Variants in CRADD observed in about 807,000 individuals in gnomAD.
CRADD encodes death domain-containing protein CRADD.
In CRADD, 9 loss-of-function variants were observed where a neutral mutation model predicts 15.5. The ratio of observed to expected loss-of-function variants is 0.58; its 90% confidence interval spans 0.35 to 1.01. CRADD has a LOEUF of 1.01. Ranked by LOEUF, CRADD falls within the 50% of genes least tolerant of loss-of-function variation. The pLI is 0.02. For synonymous variants in CRADD, 118 were observed against 107.6 expected, an observed-to-expected ratio of 1.10 and a Z score of -0.60; for missense variants, 227 against 250.3, an observed-to-expected ratio of 0.91 and a Z score of 0.63.
intron 2 of CRADD, among the ~76,000 whole-genome samples, chr12:93,889,876 C>T (rs397135): frequency 0.46 from 69,840 of 151,970 alleles, 18,111 homozygotes; most frequent in African/African-American, 0.7. Flanking sequence ...TTGGTTTTGT[C>T]TCAGAGCAGT....
intron 2 of CRADD, among the ~76,000 whole-genome samples, chr12:93,686,904 G>A (rs190116427): frequency 0.01 from 1,575 of 150,040 alleles, 17 homozygotes; most frequent in Non-Finnish European, 0.014. Context: ...TTTAAAAATT[G>A]TACTAATGCA....
At chr12:93,723,813 T>A (rs1011262573) in intron 2 of CRADD, among the ~76,000 whole-genome samples, 1 of 152,210 alleles carries the variant, frequency 6.6e-6, no homozygotes, top group Non-Finnish European at 1.5e-5. Flanking sequence ...TCTCAGGTTT[T>A]ATTTCCTCTT....
rs58068881 is a variant in CRADD, at chr12:93,780,912, ATTTTTT to A, written c.299-69048_299-69043del. ...CAGGCACATGCCACCATGCCCAGCT[ATTTTTT>A]TTTTTTTTTGTATTTTTAGTAGAGA... is the stretch of plus-strand genomic sequence containing the variant. On this transcript the variant is annotated intron_variant, in intron 2 of 2. Coordinates refer to ENST00000332896, the MANE Select transcript of CRADD (RefSeq NM_003805.5). Among the ~76,000 whole-genome samples the A allele has an allele frequency of 3.4e-3, 475 of 139,336 alleles. 5 individuals are homozygous for A. The highest frequency in any genetic ancestry group is 0.011 in the African/African-American group (410 of 37,602). 91.4% of individuals were successfully genotyped at this position (139,336 alleles called of 152,430 possible). A position where few individuals can be genotyped will look rare whatever the true frequency, so the allele number is the denominator to read the frequency against.
chr12:93,788,302 G>A lies in CRADD; in HGVS notation c.299-61668G>A, dbSNP rs141625974. Among the ~76,000 whole-genome samples, 339 of 152,278 alleles carry A rather than the reference G, an allele frequency of 2.2e-3. 4 individuals are homozygous for A. Among genetic ancestry groups the A allele is most frequent in the African/African-American group, 7.0e-3 (292 of 41,570 alleles). On this transcript the variant is annotated intron_variant, in intron 2 of 2. Coordinates refer to ENST00000332896, the MANE Select transcript of CRADD (RefSeq NM_003805.5). ...ACCTCTTATAAAACCATCAGATCTC[G>A]TGAGAACTCACTCACTATTACGAGA... is the stretch of plus-strand genomic sequence containing the variant.
At chr12:93,865,645 A>G (rs752880060) in intron 2 of CRADD, among the ~76,000 whole-genome samples, 4 of 152,222 alleles carry the variant, frequency 2.6e-5, no homozygotes, top group East Asian at 1.9e-4. Flanking sequence ...AACTCAAGCA[A>G]TCCTCCCATC....
At chr12:93,785,538 C>T (rs181839927) in intron 2 of CRADD, among the ~76,000 whole-genome samples, 1 of 152,144 alleles carries the variant, frequency 6.6e-6, no homozygotes, top group East Asian at 1.9e-4. Context: ...CTACTGCTGG[C>T]AGCTCCTGGC....
At chr12:93,691,085 CTTTATTA>C (rs535242082) in intron 2 of CRADD, among the ~76,000 whole-genome samples, 1 of 152,200 alleles carries the variant, frequency 6.6e-6, no homozygotes, top group Admixed American at 6.5e-5. Flanking sequence ...CTTTCAATCT[CTTTATTA>C]TTAATTAGTT....
intron 2 of CRADD, among the ~76,000 whole-genome samples, chr12:93,711,756 C>CTT (rs34557631): frequency 7.0e-6 from 1 of 142,072 alleles, no homozygotes; most frequent in African/African-American, 2.6e-5. Flanking sequence ...CTCCTAGACT[C>CTT]TTTTTTTTTT....
intron 2 of CRADD, chr12:93,707,832 G>C (rs1955983762): frequency 6.6e-6 from 1 of 152,166 alleles, no homozygotes; most frequent in South Asian, 2.1e-4. Flanking sequence ...CTGAGGTTCA[G>C]GTGGCTTAAA....
intron 2 of CRADD, among the ~76,000 whole-genome samples, chr12:93,769,687 C>T (rs11107176): frequency 6.6e-6 from 1 of 151,972 alleles, no homozygotes; most frequent in Non-Finnish European, 1.5e-5. Flanking sequence ...TTTATCCAAA[C>T]TGGTAGGCTT....
chr12:93,751,444 C>T (rs1345117933), intron 2 of CRADD, among the ~76,000 whole-genome samples: 1 of 152,194 alleles, frequency 6.6e-6, no homozygotes, highest in Admixed American at 6.5e-5. Flanking sequence ...GTATTTTGAA[C>T]AGATGACACA....
intron 2 of CRADD, among the ~76,000 whole-genome samples, chr12:93,862,410 G>A (rs919500132): frequency 4.6e-5 from 7 of 152,144 alleles, no homozygotes; most frequent in Admixed American, 1.3e-4. Context: ...AAGAAAGTTC[G>A]CTGTAGGGAA....
At position 93,824,299 on chromosome 12, in the gene CRADD, G is replaced by T. The variant is rs967387179; in HGVS notation, c.299-25671G>T. Reference sequence around the variant, plus strand: ...AAAGCCAAAAGCAGATGGGACATATGTAGATAAGCTGTTTCATTTTTCATC... The same window carrying T: ...AAAGCCAAAAGCAGATGGGACATATTTAGATAAGCTGTTTCATTTTTCATC... On this transcript the variant is annotated intron_variant, in intron 2 of 2. Coordinates refer to ENST00000332896, the MANE Select transcript of CRADD (RefSeq NM_003805.5). This position sits in a 1 kb window ranked among gnomAD's most constrained non-coding sequence, Gnocchi z 4.3. Among the ~76,000 whole-genome samples the T allele has an allele frequency of 2.6e-5, 4 of 152,220 alleles. No homozygotes were observed. The highest frequency in any genetic ancestry group is 9.6e-5 in the African/African-American group (4 of 41,552).
intron 2 of CRADD, among the ~76,000 whole-genome samples, chr12:93,722,028 C>T (rs1956274983): frequency 6.6e-6 from 1 of 152,216 alleles, no homozygotes; most frequent in Non-Finnish European, 1.5e-5. Context: ...GGCAGGTCTA[C>T]TGCCAACAAA....
chr12:93,690,823 A>T (rs1400345803), intron 2 of CRADD, among the ~76,000 whole-genome samples: 1 of 152,156 alleles, frequency 6.6e-6, no homozygotes, highest in Non-Finnish European at 1.5e-5. Context: ...TTGGAGTCAC[A>T]TGGCTTAGAT....
Position 93,678,853 on chromosome 12 carries a change from C to T in CRADD, c.79C>T (p.Leu27Phe). ...GAEVLVEGLV[L>F]QYLYQEGILT... Reference sequence around the variant, plus strand: ...AGAGGTATTGGTGGAGGGACTGGTTCTTCAGTACCTCTACCAGGAAGGAAT... The same window carrying T: ...AGAGGTATTGGTGGAGGGACTGGTTTTTCAGTACCTCTACCAGGAAGGAAT... The change falls in exon 2 of 3, where the codon CTT becomes TTT. Residue 27 changes from leucine (L) to phenylalanine (F), a missense_variant. By Grantham distance (22) the Leu-to-Phe change is conservative. Coordinates refer to ENST00000332896, the MANE Select transcript of CRADD (RefSeq NM_003805.5). 1 of 1,614,158 alleles carries T rather than the reference C, an allele frequency of 6.2e-7. No individual in the cohort carries two copies. Among genetic ancestry groups the T allele is most frequent in the Middle Eastern group, 1.7e-4 (1 of 6,060 alleles).
chr12:93,877,880 G>A (rs1167862334), intron 2 of CRADD, among the ~76,000 whole-genome samples: 3 of 152,132 alleles, frequency 2.0e-5, no homozygotes, highest in Non-Finnish European at 4.4e-5. Flanking sequence ...GCAAGACAGA[G>A]TTCCCTTTGC....
At chr12:93,841,847 C>T (rs1001258683) in intron 2 of CRADD, among the ~76,000 whole-genome samples, 2 of 152,092 alleles carry the variant, frequency 1.3e-5, no homozygotes, top group African/African-American at 2.4e-5. Flanking sequence ...TTTCTAGTCC[C>T]GCACACCTGC....
intron 2 of CRADD, chr12:93,837,665 G>A (rs1463564976): frequency 6.6e-6 from 1 of 152,112 alleles, no homozygotes; most frequent in Non-Finnish European, 1.5e-5. Context: ...AAAGAAAAGT[G>A]ATACAACAAT....
Sources: allele counts gnomAD v4.1 joint callset (sites outside exome capture counted in the v4.1 genomes callset), GRCh38; gene constraint gnomAD v4.1.1; non-coding constraint Gnocchi (gnomAD v3.1); transcripts MANE v1.5; gene names NCBI Gene and HGNC (gene_info 2026-07-23, HGNC 2026-07-21).